SMAD4: variants seen among roughly 807,000 people sequenced by gnomAD.
SMAD4 encodes the protein SMAD family member 4, also known as MAD homolog 4.
In SMAD4, 7 loss-of-function variants were observed where a neutral mutation model predicts 63.2. The ratio of observed to expected loss-of-function variants is 0.11; its 90% CI spans 0.06 to 0.21. SMAD4 has a LOEUF of 0.21. Ranked by LOEUF, SMAD4 falls within the 10% of genes least tolerant of loss-of-function variation. The pLI is 1.00. For synonymous variants in SMAD4, 215 were observed against 235.4 expected (o/e 0.91, Z 0.79); for missense variants, 312 against 693.8 (o/e 0.45, Z 6.18).
intron 1 of SMAD4, among the ~76,000 whole-genome samples, chr18:51,036,107 A>G (rs771711452): frequency 7.9e-5 from 12 of 152,030 alleles, no homozygotes; most frequent in Non-Finnish European, 1.5e-4. Flanking sequence ...CAGAGTAGCT[A>G]GGACTACAGG....
intron 10 of SMAD4, among the ~76,000 whole-genome samples, chr18:51,075,671 G>GAAC: frequency 6.6e-6 from 1 of 152,220 alleles, no homozygotes; most frequent in Middle Eastern, 3.4e-3. Flanking sequence ...CATATTAAAA[G>GAAC]AACATTCCAG....
intron 7 of SMAD4, 58 bp from the exon 8 acceptor site, chr18:51,059,808 T>C: frequency 1.6e-6 from 2 of 1,288,352 alleles, no homozygotes; most frequent in Non-Finnish European, 2.3e-6. Context: ...TACTGAAAGT[T>C]TTAGCATTAG....
rs965727865 is a variant in SMAD4, at chr18:51,082,735, T to G, written c.*4268T>G. Reference sequence around the variant, plus strand: ...CAGCTATGGTTTTGAATTTTTAGTTTTTTTTTTTTAACCCACTTCCCCTCC... The same window carrying G: ...CAGCTATGGTTTTGAATTTTTAGTTGTTTTTTTTTAACCCACTTCCCCTCC... On this transcript the variant is annotated 3_prime_UTR_variant, in exon 12 of 12. Transcript: ENST00000342988. 8.7e-6 allele frequency: 2 copies of G among 231,120 alleles called. No homozygotes were observed. The highest frequency in any genetic ancestry group is 1.7e-5 in the Non-Finnish European group (2 of 116,746). 14.3% of individuals were successfully genotyped at this position (231,120 alleles called of 1,614,324 possible).
In SMAD4 at chr18:51,050,098, C is replaced by T. The variant is rs191983603; in HGVS notation, c.454+774C>T. Among the ~76,000 whole-genome samples the T allele has an allele frequency of 4.4e-3, 665 of 152,256 alleles. 1 individual carries two copies. Among genetic ancestry groups the T allele is most frequent in the Non-Finnish European group, 7.6e-3 (520 of 68,024 alleles). On this transcript the variant is annotated intron_variant, in intron 4 of 11. Coordinates refer to ENST00000342988, the MANE Select transcript of SMAD4 (RefSeq NM_005359.6). ...GTCAGCCAGGCACGGTGGTTCACACCTGTAATCCCAGTACTTTGGGAGGCT... is the reference window on the plus strand; with the variant it reads ...GTCAGCCAGGCACGGTGGTTCACACTTGTAATCCCAGTACTTTGGGAGGCT...
intron 7 of SMAD4, among the ~76,000 whole-genome samples, chr18:51,059,651 T>G (rs1314148135): frequency 6.6e-6 from 1 of 152,228 alleles, no homozygotes; most frequent in Non-Finnish European, 1.5e-5. Flanking sequence ...ACTTGGCAGA[T>G]AGCACTGAAA....
At chr18:51,062,170 G>C (rs1346921091) in intron 8 of SMAD4, among the ~76,000 whole-genome samples, 1 of 152,166 alleles carries the variant, frequency 6.6e-6, no homozygotes, top group African/African-American at 2.4e-5. Context: ...ATTATCTTCT[G>C]TAACGGATTT....
chr18:51,077,980 A>G (rs1910512255), intron 11 of SMAD4, among the ~76,000 whole-genome samples: 2 of 152,244 alleles, frequency 1.3e-5, no homozygotes, highest in Admixed American at 6.5e-5. Flanking sequence ...CCACTTCTAA[A>G]GAAAAAAATA....
chr18:51,067,238 T>C, intron 10 of SMAD4, 51 bp downstream of exon 10: 1 of 1,040,194 alleles, frequency 9.6e-7, no homozygotes. Context: ...CTATTTGTTG[T>C]CAAAAGAATT....
At chr18:51,066,368 T>TATA (rs1415750188) in intron 9 of SMAD4, among the ~76,000 whole-genome samples, 2 of 151,218 alleles carry the variant, frequency 1.3e-5, no homozygotes, top group African/African-American at 4.9e-5. Flanking sequence ...AAAAAGTTTA[T>TATA]ATAATGAAAT....
chr18:51,070,102 G>T (rs1188103912), intron 10 of SMAD4, among the ~76,000 whole-genome samples: 1 of 152,184 alleles, frequency 6.6e-6, no homozygotes, highest in Admixed American at 6.5e-5. Flanking sequence ...TGACTCAGAA[G>T]TCTCTTGTTT....
intron 10 of SMAD4, among the ~76,000 whole-genome samples, chr18:51,072,414 T>C (rs1281825620): frequency 2.0e-5 from 3 of 152,228 alleles, no homozygotes; most frequent in Non-Finnish European, 4.4e-5. Flanking sequence ...TCTAAACCAC[T>C]GGTGGACTAG....
Position 51,073,406 on chromosome 18 carries a change from C to T in SMAD4, c.1309-3232C>T, listed in dbSNP as rs1288092485. On this transcript the variant is annotated intron_variant, in intron 10 of 11. Transcript: ENST00000342988. ...ATATATATACACACACACACACACA[C>T]ACACACACACACACACACACACACA... 2.1e-3 allele frequency among the ~76,000 whole-genome samples: 292 copies of T among 138,396 alleles called. 1 individual carries two copies. Among genetic ancestry groups the T allele is most frequent in the South Asian group, 9.4e-3 (39 of 4,160 alleles). 90.8% of individuals were successfully genotyped at this position (138,396 alleles called of 152,430 possible).
chr18:51,067,796 G>GTC (rs1910205160), intron 10 of SMAD4, among the ~76,000 whole-genome samples: 1 of 152,146 alleles, frequency 6.6e-6, no homozygotes, highest in Non-Finnish European at 1.5e-5. Context: ...CTTGAAATTT[G>GTC]TAAGAATCAG....
At chr18:51,044,036 T>C (rs563669753) in intron 1 of SMAD4, among the ~76,000 whole-genome samples, 31 of 152,356 alleles carry the variant, frequency 2.0e-4, no homozygotes, top group African/African-American at 7.0e-4. Flanking sequence ...GAGACAGATA[T>C]GTAATCAAAT....
In SMAD4 at chr18:51,058,485, ATT is replaced by A. The variant is rs386387676; in HGVS notation, c.904+44_904+45del. 3.7e-3 allele frequency: 4,018 copies of A among 1,082,178 alleles called. No individual in the cohort carries two copies. The highest frequency in any genetic ancestry group is 4.3e-3 in the Non-Finnish European group (3,201 of 750,758). 67.0% of individuals were successfully genotyped at this position (1,082,178 alleles called of 1,614,324 possible). ...AGCTCTTGTTTTTGTTGTAAGGGCTATTTTTTTTTTTTTTTTGGTAGGGCTTT... is the reference window on the plus strand; with the variant it reads ...AGCTCTTGTTTTTGTTGTAAGGGCTATTTTTTTTTTTTTTGGTAGGGCTTT... On this transcript the variant is annotated intron_variant, in intron 7 of 11. Transcript: ENST00000342988.
In SMAD4 at chr18:51,030,338, C is replaced by G. The variant is rs966602192; in HGVS notation, c.-413C>G. 6.6e-6 allele frequency: 1 copy of G among 152,510 alleles called. No homozygotes were observed. Among genetic ancestry groups the G allele is most frequent in the African/African-American group, 2.4e-5 (1 of 41,406 alleles). 9.4% of individuals were successfully genotyped at this position (152,510 alleles called of 1,614,324 possible). On this transcript the variant is annotated 5_prime_UTR_variant, in exon 1 of 12. Transcript: ENST00000342988. ...CGCCTTCCCGCTCTCCTCGGGAGGC[C>G]CTTCCTGCTCTCCCCTAGGCTCCGC... is the stretch of plus-strand genomic sequence containing the variant.
intron 10 of SMAD4, among the ~76,000 whole-genome samples, chr18:51,067,578 A>G (rs1367742756): frequency 1.3e-5 from 2 of 151,836 alleles, no homozygotes; most frequent in African/African-American, 2.4e-5. Context: ...GTGCCTGGCA[A>G]TTTTTTGTAT....
rs1297898889 is a variant in SMAD4 at position 51,084,609 on chromosome 18, AG to A, written c.*6144del. The A allele has an allele frequency of 4.3e-6, 1 of 230,262 alleles. No individual in the cohort carries two copies. The highest frequency in any genetic ancestry group is 8.6e-6 in the Non-Finnish European group (1 of 116,226). 14.3% of individuals were successfully genotyped at this position (230,262 alleles called of 1,614,324 possible). On this transcript the variant is annotated 3_prime_UTR_variant, in exon 12 of 12. Coordinates refer to ENST00000342988, the MANE Select transcript of SMAD4 (RefSeq NM_005359.6). ...GCAAAGGCTGCTTGTCATTGATAGA[AG>A]GACTCACGGGCTTGGATTGATTAAG...
At position 51,078,614 on chromosome 18, in the gene SMAD4, C is replaced by G. The variant is rs1910532479; in HGVS notation, c.*147C>G. The stretch of plus-strand genomic sequence containing the variant: ...AATGTGTTTGCTGCCTTGCTCCTAG[C>G]AGACAGAAACTGGATTAAAACAATT... On this transcript the variant is annotated 3_prime_UTR_variant, in exon 12 of 12. Coordinates refer to ENST00000342988, the MANE Select transcript of SMAD4 (RefSeq NM_005359.6). 1.5e-6 allele frequency: 1 copy of G among 649,992 alleles called. No homozygotes were observed. The highest frequency in any genetic ancestry group is 2.6e-6 in the Non-Finnish European group (1 of 386,220). 40.3% of individuals were successfully genotyped at this position (649,992 alleles called of 1,614,324 possible). A position where few individuals can be genotyped will look rare whatever the true frequency, so the allele number is the denominator to read the frequency against.
Sources: allele counts gnomAD v4.1 joint callset (sites outside exome capture counted in the v4.1 genomes callset), GRCh38; gene constraint gnomAD v4.1.1; transcripts MANE v1.5; gene names NCBI Gene and HGNC (gene_info 2026-07-23, HGNC 2026-07-21).